SRGAP1: variants seen among roughly 807,000 people sequenced by gnomAD.
SRGAP1 encodes SLIT-ROBO Rho GTPase-activating protein 1.
In SRGAP1, 43 loss-of-function variants were observed where a neutral mutation model predicts 121.9. The ratio of observed to expected loss-of-function variants is 0.35; its 90% confidence interval spans 0.28 to 0.46. The LOEUF is 0.46. Among genes scored for constraint, SRGAP1 ranks in the 20% least tolerant of loss-of-function variants. SRGAP1 has a pLI of 1.00. For missense variants in SRGAP1, 1,102 were observed against 1,350.9 expected, an observed-to-expected ratio of 0.82 and a Z score of 2.89; for synonymous variants, 447 against 485.4, an observed-to-expected ratio of 0.92 and a Z score of 1.04.
intron 1 of SRGAP1, among the ~76,000 whole-genome samples, chr12:63,873,948 A>G (rs116992717): frequency 0.024 from 3,618 of 151,326 alleles, 68 homozygotes; most frequent in Middle Eastern, 0.037. Context: ...GGGAGGATCA[A>G]TTGAGTCTGA....
intron 9 of SRGAP1, among the ~76,000 whole-genome samples, chr12:64,079,849 G>A (rs2035804410): frequency 6.6e-6 from 1 of 152,116 alleles, no homozygotes; most frequent in South Asian, 2.1e-4. Flanking sequence ...CTGCTGGTCT[G>A]CAGACCACAC....
chr12:63,985,805 TAAA>T (rs963076409), intron 2 of SRGAP1, among the ~76,000 whole-genome samples: 2 of 152,064 alleles, frequency 1.3e-5, no homozygotes, highest in African/African-American at 4.8e-5. Context: ...AGTGAAATGG[TAAA>T]ACAGAAACCC....
Position 64,149,859 on chromosome 12 carries a change from G to A in SRGAP1, c.*7187G>A, listed in dbSNP as rs1247360691. On this transcript the variant is annotated 3_prime_UTR_variant, in exon 22 of 22. Coordinates refer to ENST00000355086, the MANE Select transcript of SRGAP1 (RefSeq NM_020762.4). ...AGGCATGGGTTGGTAATTTATTGAAGTTTAGTAAACGAATTTGAATTAATT... is the reference window on the plus strand; with the variant it reads ...AGGCATGGGTTGGTAATTTATTGAAATTTAGTAAACGAATTTGAATTAATT... 1 of 152,142 alleles carries A rather than the reference G, an allele frequency of 6.6e-6. No individual in the cohort carries two copies. The highest frequency in any genetic ancestry group is 2.4e-5 in the African/African-American group (1 of 41,420). 9.4% of individuals were successfully genotyped at this position (152,142 alleles called of 1,614,324 possible). A position where few individuals can be genotyped will look rare whatever the true frequency, so the allele number is the denominator to read the frequency against.
At chr12:64,065,033 T>G in intron 7 of SRGAP1, 85 bp from the exon 8 acceptor site, 1 of 902,470 alleles carries the variant, frequency 1.1e-6, no homozygotes, top group African/African-American at 1.7e-5. Context: ...TTGGTGTGAT[T>G]CATGCATCAT....
At chr12:63,920,393 G>A (rs112328699) in intron 1 of SRGAP1, among the ~76,000 whole-genome samples, 1,930 of 152,242 alleles carry the variant, frequency 0.013, 46 homozygotes, top group African/African-American at 0.043. Context: ...TAGCAAGAGA[G>A]TCCTTGTGAA....
intron 15 of SRGAP1, among the ~76,000 whole-genome samples, chr12:64,099,740 G>A (rs2036225019): frequency 6.6e-6 from 1 of 152,142 alleles, no homozygotes; most frequent in Non-Finnish European, 1.5e-5. Context: ...GCTTAAGTCT[G>A]GAAAAATAAC....
At position 63,859,298 on chromosome 12, in the gene SRGAP1, T is replaced by G. The variant is rs941149234; in HGVS notation, c.67+14415T>G. Among the ~76,000 whole-genome samples the G allele has an allele frequency of 3.5e-4, 54 of 152,146 alleles. 1 individual carries two copies. Among genetic ancestry groups the G allele is most frequent in the Non-Finnish European group, 5.9e-5 (4 of 68,034 alleles). On this transcript the variant is annotated intron_variant, in intron 1 of 21. Coordinates refer to ENST00000355086, the MANE Select transcript of SRGAP1 (RefSeq NM_020762.4). ...CCTCAGCCTCCCAAGTAGCTGGGATTACAGGTATGCACCACCATGCCTGGC... is the reference window on the plus strand; with the variant it reads ...CCTCAGCCTCCCAAGTAGCTGGGATGACAGGTATGCACCACCATGCCTGGC...
intron 6 of SRGAP1, among the ~76,000 whole-genome samples, chr12:64,055,636 G>T (rs12302176): frequency 0.045 from 6,798 of 151,982 alleles, 522 homozygotes; most frequent in African/African-American, 0.16. Flanking sequence ...AAACAGCATG[G>T]TACTGGTACC....
At chr12:64,121,231 T>C (rs577319517) in intron 18 of SRGAP1, among the ~76,000 whole-genome samples, 1 of 152,166 alleles carries the variant, frequency 6.6e-6, no homozygotes, top group East Asian at 1.9e-4. Flanking sequence ...CAGGCTGGTC[T>C]CAAACTCCTG....
At chr12:63,949,170 ATTTTTTCCATATATATT>A (rs1256022987) in intron 1 of SRGAP1, among the ~76,000 whole-genome samples, 61 of 108,508 alleles carry the variant, frequency 5.6e-4, no homozygotes, top group Non-Finnish European at 2.8e-4. Flanking sequence ...CCATATATAT[ATTTTTTCCATATATATT>A]TTTTTTTCCA....
chr12:64,143,296 G>A lies in SRGAP1; in HGVS notation c.*624G>A, dbSNP rs1744243349. The A allele has an allele frequency of 6.5e-6, 1 of 152,678 alleles. No homozygotes were observed. The highest frequency in any genetic ancestry group is 6.5e-5 in the Admixed American group (1 of 15,342). 9.5% of individuals were successfully genotyped at this position (152,678 alleles called of 1,614,324 possible). A position where few individuals can be genotyped will look rare whatever the true frequency, so the allele number is the denominator to read the frequency against. On this transcript the variant is annotated 3_prime_UTR_variant, in exon 22 of 22. Coordinates refer to ENST00000355086, the MANE Select transcript of SRGAP1 (RefSeq NM_020762.4). Reference sequence around the variant, plus strand: ...GTCCAGCTTAAAGACTCGATGGAAGGAGGTAGAACCTCTGCTGTTACTGCT... The same window carrying A: ...GTCCAGCTTAAAGACTCGATGGAAGAAGGTAGAACCTCTGCTGTTACTGCT...
chr12:63,956,297 T>C (rs554499304), intron 1 of SRGAP1, among the ~76,000 whole-genome samples: 5 of 152,162 alleles, frequency 3.3e-5, no homozygotes, highest in Admixed American at 6.5e-5. Flanking sequence ...ACTTTTGGGC[T>C]CAAGCGATCC....
chr12:64,008,422 C>T (rs1276057762), intron 3 of SRGAP1, among the ~76,000 whole-genome samples: 1 of 152,072 alleles, frequency 6.6e-6, no homozygotes, highest in East Asian at 1.9e-4. Flanking sequence ...AGATTGGTGA[C>T]CAGTTAACTG....
chr12:63,971,025 A>G (rs1216435439), intron 1 of SRGAP1, among the ~76,000 whole-genome samples: 1 of 152,168 alleles, frequency 6.6e-6, no homozygotes, highest in Non-Finnish European at 1.5e-5. Context: ...CCTGCGATAC[A>G]AAGCAAACTG....
intron 1 of SRGAP1, among the ~76,000 whole-genome samples, chr12:63,861,580 T>C (rs1204869536): frequency 2.6e-5 from 4 of 152,150 alleles, no homozygotes; most frequent in African/African-American, 9.7e-5. Context: ...AATACAGGCA[T>C]GAACCACTGC....
intron 21 of SRGAP1, among the ~76,000 whole-genome samples, chr12:64,139,572 A>G (rs2036923881): frequency 6.6e-6 from 1 of 151,946 alleles, no homozygotes; most frequent in Non-Finnish European, 1.5e-5. Context: ...TCCTTCGCCA[A>G]CTTTTTGATG....
At chr12:64,000,275 T>TAA in intron 3 of SRGAP1, among the ~76,000 whole-genome samples, 1 of 133,382 alleles carries the variant, frequency 7.5e-6, no homozygotes, top group African/African-American at 2.8e-5. Context: ...TGTGTGTGTG[T>TAA]AAAAAAAAAA....
chr12:63,991,430 C>T (rs1342305085), intron 3 of SRGAP1, among the ~76,000 whole-genome samples: 1 of 152,084 alleles, frequency 6.6e-6, no homozygotes, highest in East Asian at 1.9e-4. Flanking sequence ...TCTAAGTCAC[C>T]TTATGCTCCA....
chr12:64,006,764 T>C (rs957432429), intron 3 of SRGAP1, among the ~76,000 whole-genome samples: 2 of 152,112 alleles, frequency 1.3e-5, no homozygotes, highest in African/African-American at 4.8e-5. Context: ...CAACCACCAG[T>C]GTGTCCTGGG....
Sources: gnomAD v4.1 joint callset for allele counts (sites outside exome capture counted in the v4.1 genomes callset) on GRCh38, gnomAD v4.1.1 for gene constraint, MANE v1.5 for transcripts, NCBI Gene and HGNC (gene_info 2026-07-23, HGNC 2026-07-21) for gene names.